CKAP2: variants seen among roughly 807,000 people sequenced by gnomAD.
CKAP2 encodes the protein cytoskeleton associated protein 2, also known as cytoskeleton-associated protein 2.
A neutral mutation model predicts 58.4 loss-of-function variants in CKAP2; 46 were observed. The ratio of observed to expected loss-of-function variants is 0.79; its 90% CI spans 0.62 to 1.01. The LOEUF (loss-of-function observed/expected upper bound fraction) is 1.01, where lower values mean the gene tolerates loss of function less well. Ranked by LOEUF, CKAP2 falls within the 50% of genes least tolerant of loss-of-function variation. CKAP2 has a pLI of 0.00. For synonymous variants in CKAP2, 293 were observed against 280.9 expected (o/e 1.04, Z -0.43); for missense variants, 809 against 796.4 (o/e 1.02, Z -0.19).
intron 8 of CKAP2, 83 bp downstream of exon 8, chr13:52,474,167 C>A: frequency 7.8e-7 from 1 of 1,287,344 alleles, no homozygotes; most frequent in Non-Finnish European, 1.1e-6. Flanking sequence ...GAGATAGCTT[C>A]AGATTACAGC....
intron 2 of CKAP2, among the ~76,000 whole-genome samples, chr13:52,458,254 ATGTT>A (rs964499746): frequency 6.6e-5 from 10 of 152,128 alleles, no homozygotes; most frequent in Admixed American, 2.6e-4. Context: ...TGTTTTGACT[ATGTT>A]TGAGGTACCA....
intron 5 of CKAP2, among the ~76,000 whole-genome samples, chr13:52,463,171 C>A (rs958104608): frequency 1.3e-5 from 2 of 152,182 alleles, no homozygotes; most frequent in Non-Finnish European, 2.9e-5. Context: ...CTCCTGACCT[C>A]ATGTGATCCA....
At chr13:52,473,475 A>G (rs911477853) in intron 7 of CKAP2, 2 of 186,918 alleles carry the variant, frequency 1.1e-5, no homozygotes, top group African/African-American at 4.7e-5. Context: ...TATGTGCCAT[A>G]TGAAGGTTGT....
rs1424990552 is a variant in CKAP2, at chr13:52,476,328, C to T, written c.*1187C>T. 6.6e-6 allele frequency: 1 copy of T among 152,084 alleles called. No individual in the cohort carries two copies. Among genetic ancestry groups the T allele is most frequent in the Non-Finnish European group, 1.5e-5 (1 of 68,002 alleles). The allele number at this position is 152,084 out of a possible 1,614,324, so 9.4% of individuals were successfully genotyped here. Reference sequence around the variant, plus strand: ...TTATTCCGTGTACCTGATATATATACAATTAAAATATCTGTGTAATTATGT... The same window carrying T: ...TTATTCCGTGTACCTGATATATATATAATTAAAATATCTGTGTAATTATGT... On this transcript the variant is annotated 3_prime_UTR_variant, in exon 9 of 9. Transcript: ENST00000258607.
rs771471222 is a variant in CKAP2 at position 52,455,566 on chromosome 13, C to G, written c.10C>G (p.Pro4Ala). MST[P>A]AVPQDLQLPP... ...CCGACCCGAGGCTACGATGAGCACA[C>G]CGGCCGTGCCCCAGGACCTGCAGCT... is the stretch of plus-strand genomic sequence containing the variant. The change falls in exon 1 of 9, where the codon CCG (proline) becomes GCG (alanine). Residue 4 changes from proline to alanine, a missense_variant. Coordinates refer to ENST00000258607, the MANE Select transcript of CKAP2 (RefSeq NM_018204.5). 4 of 1,612,734 alleles carry G rather than the reference C, an allele frequency of 2.5e-6. No individual in the cohort carries two copies. Among genetic ancestry groups the G allele is most frequent in the East Asian group, 4.5e-5 (2 of 44,834 alleles).
At chr13:52,457,119 A>T (rs1594132261) in intron 2 of CKAP2, among the ~76,000 whole-genome samples, 1 of 151,692 alleles carries the variant, frequency 6.6e-6, no homozygotes, top group Non-Finnish European at 1.5e-5. Flanking sequence ...CTGGTCTTGG[A>T]CTCCTGACCT....
intron 6 of CKAP2, among the ~76,000 whole-genome samples, chr13:52,467,404 T>A (rs980558427): frequency 1.3e-5 from 2 of 151,970 alleles, no homozygotes; most frequent in African/African-American, 4.8e-5. Context: ...TAAGTAAAAT[T>A]ATGGAGGAAG....
chr13:52,475,146 A>G lies in CKAP2; in HGVS notation c.*5A>G. On this transcript the variant is annotated 3_prime_UTR_variant, in exon 9 of 9. Transcript: ENST00000258607. ...TATGAGGCTGATACAACATAAGAGA[A>G]ATAAAGCTCTGTTAGGGAATGGGGT... The G allele has an allele frequency of 6.2e-7, 1 of 1,609,964 alleles. No homozygotes were observed. The highest frequency in any genetic ancestry group is 2.2e-5 in the East Asian group (1 of 44,826).
intron 7 of CKAP2, among the ~76,000 whole-genome samples, chr13:52,471,138 C>A (rs1031122539): frequency 1.3e-5 from 2 of 151,524 alleles, no homozygotes; most frequent in Non-Finnish European, 2.9e-5. Context: ...AGCCTGGTGA[C>A]AGAGTGAGAC....
Position 52,474,071 on chromosome 13 carries a change from C to T in CKAP2, c.1789C>T (p.Pro597Ser), listed in dbSNP as rs745727220. The T allele has an allele frequency of 6.8e-6, 11 of 1,609,336 alleles. No individual in the cohort carries two copies. The highest frequency in any genetic ancestry group is 8.5e-6 in the Non-Finnish European group (10 of 1,177,362). ...CLIKYNVSTT[P>S]YLQSVKKKVQ... ...AATTAAATATAATGTGTCTACTACG[C>T]CATACTTGCAAAGGTAAACTTTTAA... Residue 597 changes from proline to serine, a missense_variant, in exon 8 of 9, where the codon CCA becomes TCA. Around this residue, in one of 3 missense-constraint regions of CKAP2, gnomAD observed 283 missense variants for 287.6 expected, o/e 0.98. Transcript: ENST00000258607.
rs752486525 is a variant in CKAP2, at chr13:52,461,470, C to T, written c.644C>T (p.Thr215Ile). Residue 215 changes from threonine to isoleucine, a missense_variant, in exon 4 of 9, where the codon ACA becomes ATA. Physicochemically the swap from Thr to Ile is moderately conservative, Grantham distance 89. Coordinates refer to ENST00000258607, the MANE Select transcript of CKAP2 (RefSeq NM_018204.5). ...CTTTCAGCCACTATACCTAAAGCCA[C>T]AAAACCTCAGCCTGTAAACACCAGC... Reference protein sequence around the residue: ...KKLSATIPKATKPQPVNTSSV... With the variant: ...KKLSATIPKAIKPQPVNTSSV... 1.2e-6 allele frequency: 2 copies of T among 1,614,144 alleles called. No homozygotes were observed. The highest frequency in any genetic ancestry group is 1.7e-6 in the Non-Finnish European group (2 of 1,180,032).
At chr13:52,467,312 T>C (rs956747795) in intron 6 of CKAP2, among the ~76,000 whole-genome samples, 6 of 152,166 alleles carry the variant, frequency 3.9e-5, no homozygotes, top group African/African-American at 1.4e-4. Flanking sequence ...TGATCAACCT[T>C]AGCTCTTCAG....
At chr13:52,457,205 T>A (rs1958501363) in intron 2 of CKAP2, among the ~76,000 whole-genome samples, 1 of 152,084 alleles carries the variant, frequency 6.6e-6, no homozygotes, top group Non-Finnish European at 1.5e-5. Flanking sequence ...TAGATTATCG[T>A]TTTCTACGTA....
chr13:52,469,781 A>G, intron 7 of CKAP2, among the ~76,000 whole-genome samples: 1 of 149,794 alleles, frequency 6.7e-6, no homozygotes, highest in East Asian at 1.9e-4. Flanking sequence ...TATTTTTAGT[A>G]GAGACGGGGT....
At chr13:52,464,658 A>G (rs764584267) in intron 5 of CKAP2, among the ~76,000 whole-genome samples, 1 of 151,850 alleles carries the variant, frequency 6.6e-6, no homozygotes, top group African/African-American at 2.4e-5. Flanking sequence ...CCTATGGAGT[A>G]TAATAATCAG....
intron 5 of CKAP2, 119 bp from the exon 6 acceptor site, chr13:52,465,176 A>G (rs1369178943): frequency 1.5e-5 from 12 of 778,346 alleles, no homozygotes; most frequent in Non-Finnish European, 2.2e-5. Flanking sequence ...CTAATGTTTC[A>G]TTTTTTTGCT....
At chr13:52,469,010 C>T (rs1371350570) in intron 7 of CKAP2, among the ~76,000 whole-genome samples, 2 of 152,176 alleles carry the variant, frequency 1.3e-5, no homozygotes, top group African/African-American at 4.8e-5. Context: ...AAACGCATTC[C>T]TTTTTCTCCA....
rs755829774 is a variant in CKAP2 at position 52,461,931 on chromosome 13, G to A, written c.1100+5G>A. 6 of 1,573,394 alleles carry A rather than the reference G, an allele frequency of 3.8e-6. No homozygotes were observed. The highest frequency in any genetic ancestry group is 1.2e-5 in the South Asian group (1 of 83,194). The stretch of plus-strand genomic sequence containing the variant: ...AGAAACCTCGGAAGAGAGAAAGTAA[G>A]TAGATATAATTTTCTTTATTACATT... On this transcript the variant is annotated splice_donor_5th_base_variant and intron_variant, in intron 4 of 8. Coordinates refer to ENST00000258607, the MANE Select transcript of CKAP2 (RefSeq NM_018204.5).
At position 52,461,534 on chromosome 13, in the gene CKAP2, T is replaced by C. The variant is rs765241972; in HGVS notation, c.708T>C (p.Thr236=). Residue 236 remains threonine, a synonymous_variant, in exon 4 of 9, where the codon ACT becomes ACC. Transcript: ENST00000258607. ...AAAGTAATAGATCCTCCAATATGAC[T>C]GCCACTACTAAATTTGTGAGCACTA... ...TVKSNRSSNM[T]ATTKFVSTTS... 10 of 1,614,172 alleles carry C rather than the reference T, an allele frequency of 6.2e-6. No individual in the cohort carries two copies. Among genetic ancestry groups the C allele is most frequent in the Non-Finnish European group, 7.6e-6 (9 of 1,180,042 alleles).
Sources: gnomAD v4.1 joint callset for allele counts (sites outside exome capture counted in the v4.1 genomes callset) on GRCh38, gnomAD v4.1.1 for gene constraint, gnomAD v4.1.1 regional missense constraint, MANE v1.5 for transcripts, NCBI Gene and HGNC (gene_info 2026-07-23, HGNC 2026-07-21) for gene names.